The following ITIH6 variants were observed in gnomAD, a reference collection of about 807,000 sequenced individuals.
The protein encoded by ITIH6 is inter-alpha-trypsin inhibitor heavy chain H6.
In ITIH6, 60 loss-of-function variants were observed where a neutral mutation model predicts 58.2. That is an observed-to-expected ratio of 1.03 (90% CI 0.84 to 1.28). The LOEUF (loss-of-function observed/expected upper bound fraction) is 1.28. ITIH6 is among the 50% of genes most tolerant of loss of function. The pLI, the probability that ITIH6 is intolerant of heterozygous loss-of-function variation, is 0.00. For synonymous variants in ITIH6, 493 were observed against 417.4 expected (o/e 1.18, Z -2.21); for missense variants, 1,290 against 1,021.1 (o/e 1.26, Z -3.59).
chrX:54,770,452 A>C (rs931410685), intron 6 of ITIH6, among the ~76,000 whole-genome samples: 1 of 112,710 alleles, frequency 8.9e-6, no homozygotes, highest in African/African-American at 3.2e-5. Flanking sequence ...TGGCTTCTCT[A>C]GTTTTAACTG....
At chrX:54,795,093 C>T (rs1929416928) in intron 2 of ITIH6, among the ~76,000 whole-genome samples, 1 of 111,775 alleles carries the variant, frequency 8.9e-6, no homozygotes, top group South Asian at 3.8e-4. Flanking sequence ...GGATTCTGCC[C>T]CTGTTTGCCT....
Position 54,779,951 on chromosome X carries a change from G to A in ITIH6, c.787-5754C>T, listed in dbSNP as rs182280194. ...AAGAAGGTAGCAATATAATGATAAA[G>A]GGGTCGATTTAGCAAGAGGATGTAA... On this transcript the variant is annotated intron_variant, in intron 5 of 12. Coordinates refer to ENST00000218436, the MANE Select transcript of ITIH6 (RefSeq NM_198510.3). 7.2e-3 allele frequency among the ~76,000 whole-genome samples: 804 copies of A among 111,567 alleles called. 3 individuals are homozygous for A. Among genetic ancestry groups the A allele is most frequent in the Non-Finnish European group, 0.011 (602 of 52,948 alleles).
intron 12 of ITIH6, 93 bp from the exon 13 acceptor site, chrX:54,750,199 T>TTCC: frequency 1.4e-6 from 1 of 703,716 alleles, no homozygotes; most frequent in Non-Finnish European, 2.1e-6. Flanking sequence ...CCAGAGGGAT[T>TTCC]TAAAGGAGGA....
chrX:54,760,882 G>A (rs1375184765), intron 6 of ITIH6, among the ~76,000 whole-genome samples: 12 of 111,654 alleles, frequency 1.1e-4, no homozygotes, highest in Admixed American at 6.6e-4. Context: ...ATTGTGAATA[G>A]TGCCACAATA....
At chrX:54,754,016 C>T in intron 9 of ITIH6, 51 bp from the exon 10 acceptor site, 1 of 1,151,166 alleles carries the variant, frequency 8.7e-7, no homozygotes, top group Non-Finnish European at 1.2e-6. Context: ...TATCACATTC[C>T]TAGGAATTCT....
At position 54,749,170 on chromosome X, in the gene ITIH6, A is replaced by C. The variant is rs1329532513; in HGVS notation, c.*725T>G. The C allele has an allele frequency of 9.0e-6, 1 of 111,285 alleles. No individual in the cohort carries two copies. 9.2% of individuals were successfully genotyped at this position (111,285 alleles called of 1,213,427 possible). A position where few individuals can be genotyped will look rare whatever the true frequency, so the allele number is the denominator to read the frequency against. ...TGGGATCCTTTTTTGTTAATTAATT[A>C]ATTCATTCTTTTAACAAATATTTAC... is the stretch of plus-strand genomic sequence containing the variant. On this transcript the variant is annotated 3_prime_UTR_variant, in exon 13 of 13. Coordinates refer to ENST00000218436, the MANE Select transcript of ITIH6 (RefSeq NM_198510.3).
intron 6 of ITIH6, among the ~76,000 whole-genome samples, chrX:54,765,594 C>CTTT (rs1178444249): frequency 7.6e-5 from 6 of 79,205 alleles, no homozygotes; most frequent in Admixed American, 1.5e-4. Context: ...TATTTCTTTT[C>CTTT]TTTTTTTTTT....
rs751264914 is a variant in ITIH6, at chrX:54,757,089, C to T, written c.2985G>A (p.Glu995=). ...CAGGGAGAAGGAGCAGACTGATGGC[C>T]TCAGGGAGGATGCTAGAAGGCAGCA... The part of the protein sequence containing the change: ...PILLPSSILP[E]AISLLLLPEE... Residue 995 remains glutamate (E), a synonymous_variant, in exon 8 of 13, where the codon GAG becomes GAA. Transcript: ENST00000218436. 8.3e-7 allele frequency: 1 copy of T among 1,211,466 alleles called. No homozygotes were observed.
rs185033801 is a variant in ITIH6 at position 54,797,737 on chromosome X, C to G, written c.102+372G>C. ...TTTCTTGAGGCAATGGTCCCTCTATCTACCCACACGTGATGCAGAGCTAGT... is the reference window on the plus strand; with the variant it reads ...TTTCTTGAGGCAATGGTCCCTCTATGTACCCACACGTGATGCAGAGCTAGT... On this transcript the variant is annotated intron_variant, in intron 1 of 12. Coordinates refer to ENST00000218436, the MANE Select transcript of ITIH6 (RefSeq NM_198510.3). Among the ~76,000 whole-genome samples, 22 of 111,446 alleles carry G rather than the reference C, an allele frequency of 2.0e-4. 1 individual carries two copies. Among genetic ancestry groups the G allele is most frequent in the Non-Finnish European group, 4.1e-4 (22 of 53,095 alleles).
rs149490432 is a variant in ITIH6, at chrX:54,785,694, C to T, written c.786+2786G>A. ...TCCTACCGCCTCTGTCTGCCCACTC[C>T]CTTCGCAGTGCTTCCCATTATTTGT... On this transcript the variant is annotated intron_variant, in intron 5 of 12. Transcript: ENST00000218436. Among the ~76,000 whole-genome samples, 380 of 111,479 alleles carry T rather than the reference C, an allele frequency of 3.4e-3. 2 individuals are homozygous for T. Among genetic ancestry groups the T allele is most frequent in the African/African-American group, 0.012 (353 of 30,596 alleles).
intron 1 of ITIH6, 111 bp from the exon 2 acceptor site, chrX:54,797,207 A>G: frequency 1.7e-6 from 1 of 595,888 alleles, no homozygotes. Flanking sequence ...ATACAGGTGG[A>G]TAAACTAAGG....
intron 6 of ITIH6, 77 bp from the exon 7 acceptor site, chrX:54,760,004 G>A: frequency 1.3e-6 from 1 of 788,522 alleles, no homozygotes. Context: ...TTCTACACAA[G>A]GCATTAACAT....
intron 6 of ITIH6, among the ~76,000 whole-genome samples, chrX:54,762,914 T>C (rs5961132): frequency 0.098 from 10,923 of 111,224 alleles, 1,317 homozygotes; most frequent in African/African-American, 0.34. Context: ...TTAACCCTTT[T>C]GATGCATCAG....
In ITIH6 at chrX:54,749,782, G is replaced by C; in HGVS notation, c.*113C>G. On this transcript the variant is annotated 3_prime_UTR_variant, in exon 13 of 13. Coordinates refer to ENST00000218436, the MANE Select transcript of ITIH6 (RefSeq NM_198510.3). ...TGTTCCTTAGAACATGCGTGAGTCT[G>C]TGTGTCCCTGTGTGTGCTTCCATGT... 1 of 538,726 alleles carries C rather than the reference G, an allele frequency of 1.9e-6. No individual in the cohort carries two copies. The highest frequency in any genetic ancestry group is 3.1e-6 in the Non-Finnish European group (1 of 327,812). 44.4% of individuals were successfully genotyped at this position (538,726 alleles called of 1,213,427 possible). A position where few individuals can be genotyped will look rare whatever the true frequency, so the allele number is the denominator to read the frequency against.
intron 6 of ITIH6, among the ~76,000 whole-genome samples, chrX:54,763,263 G>T (rs189906321): frequency 1.8e-5 from 2 of 111,490 alleles, no homozygotes; most frequent in East Asian, 5.7e-4. Flanking sequence ...TCTGGGGATA[G>T]GTCGTATATT....
At chrX:54,766,109 T>A (rs1388366045) in intron 6 of ITIH6, among the ~76,000 whole-genome samples, 1 of 110,914 alleles carries the variant, frequency 9.0e-6, no homozygotes, top group Admixed American at 9.6e-5. Flanking sequence ...GTCCTTCACA[T>A]CCCTTGTAAG....
At chrX:54,762,530 A>G (rs898210259) in intron 6 of ITIH6, among the ~76,000 whole-genome samples, 2 of 110,956 alleles carry the variant, frequency 1.8e-5, no homozygotes, top group African/African-American at 6.6e-5. Flanking sequence ...AACTCCATAA[A>G]CCTTGCTATT....
At chrX:54,789,304 C>G in intron 4 of ITIH6, among the ~76,000 whole-genome samples, 1 of 111,648 alleles carries the variant, frequency 9.0e-6, no homozygotes, top group South Asian at 3.8e-4. Context: ...AGACAAATGT[C>G]CATTTAGAAA....
chrX:54,773,332 C>G (rs1201077974), intron 6 of ITIH6, among the ~76,000 whole-genome samples: 1 of 111,462 alleles, frequency 9.0e-6, no homozygotes, highest in Non-Finnish European at 1.9e-5. Context: ...AGATCCCTCC[C>G]CCTACACTGG....
Sources: allele counts gnomAD v4.1 joint callset (sites outside exome capture counted in the v4.1 genomes callset), GRCh38; gene constraint gnomAD v4.1.1; transcripts MANE v1.5; gene names NCBI Gene and HGNC (gene_info 2026-07-23, HGNC 2026-07-21).